Variants in TBKBP1 observed in about 807,000 individuals in gnomAD.
TBKBP1 encodes the protein TANK-binding kinase 1-binding protein 1.
A neutral mutation model predicts 69.9 loss-of-function variants in TBKBP1; 47 were observed. That is an observed-to-expected ratio of 0.67 (90% confidence interval 0.53 to 0.86). TBKBP1 has a LOEUF of 0.86. TBKBP1 is among the 40% of genes least tolerant of loss of function. TBKBP1 has a pLI of 0.00. For synonymous variants in TBKBP1, 418 were observed against 390.3 expected, an observed-to-expected ratio of 1.07 and a Z score of -0.84; for missense variants, 831 against 858.6, an observed-to-expected ratio of 0.97 and a Z score of 0.40.
In TBKBP1 at chr17:47,708,930, C is replaced by T. The variant is rs1439640654; in HGVS notation, c.1197C>T (p.Arg399=). The change falls in exon 9 of 10, where the codon CGC becomes CGT. Residue 399 remains arginine, a synonymous_variant. Transcript: ENST00000578982. This position sits in a 1 kb window ranked among gnomAD's most constrained non-coding sequence, Gnocchi z 4.4. ...PSCPSPVPQR[R]SPVPPSCQSP... ...GCCCGTCGCCCGTCCCGCAGCGCCG[C>T]TCGCCGGTGCCGCCGTCGTGCCAGT... 7.8e-7 allele frequency: 1 copy of T among 1,285,148 alleles called. No homozygotes were observed. The highest frequency in any genetic ancestry group is 9.9e-7 in the Non-Finnish European group (1 of 1,010,178). The allele number at this position is 1,285,148 out of a possible 1,614,324, so 79.6% of individuals were successfully genotyped here.
chr17:47,710,694 G>A lies in TBKBP1; in HGVS notation c.*68G>A. On this transcript the variant is annotated 3_prime_UTR_variant, in exon 10 of 10. Coordinates refer to ENST00000578982, the MANE Select transcript of TBKBP1 (RefSeq NM_001394755.1). ...TCACCCCCAAACACTCACTTTGAATGCTGCATGAATCTCGTGGGGGGTCCC... is the reference window on the plus strand; with the variant it reads ...TCACCCCCAAACACTCACTTTGAATACTGCATGAATCTCGTGGGGGGTCCC... 1.9e-6 allele frequency: 3 copies of A among 1,552,144 alleles called. No homozygotes were observed. The highest frequency in any genetic ancestry group is 2.6e-6 in the Non-Finnish European group (3 of 1,139,408).
chr17:47,699,365 G>A lies in TBKBP1; in HGVS notation c.680G>A (p.Arg227Gln), dbSNP rs1406229585. The change falls in exon 6 of 10, where the codon CGG (arginine) becomes CAG (glutamine). Residue 227 changes from arginine (R) to glutamine (Q), a missense_variant. Coordinates refer to ENST00000578982, the MANE Select transcript of TBKBP1 (RefSeq NM_001394755.1). ...CCCAGTGTGAGTGACCTGGAGCGGC[G>A]GCGGCTAGAAGAGGCTTTGGAGGCC... Reference protein sequence around the residue: ...STPSVSDLERRRLEEALEAAQ... With the variant: ...STPSVSDLERQRLEEALEAAQ... The A allele has an allele frequency of 6.4e-6, 10 of 1,555,738 alleles. No homozygotes were observed. The highest frequency in any genetic ancestry group is 2.3e-5 in the East Asian group (1 of 44,364).
intron 3 of TBKBP1, 42 bp from the exon 4 acceptor site, chr17:47,697,047 G>A (rs2031276805): frequency 6.3e-7 from 1 of 1,578,158 alleles, no homozygotes; most frequent in African/African-American, 1.3e-5. Context: ...CAAGTCCAGT[G>A]TGGGACTGAC....
At chr17:47,703,318 C>G (rs1011825193) in intron 7 of TBKBP1, among the ~76,000 whole-genome samples, 1 of 152,132 alleles carries the variant, frequency 6.6e-6, no homozygotes, top group Non-Finnish European at 1.5e-5. Context: ...TCAAGGGCAG[C>G]GTGGGGTGGG....
rs765328951 is a variant in TBKBP1 at position 47,699,445 on chromosome 17, T to C, written c.760T>C (p.Cys254Arg). 1 of 1,569,048 alleles carries C rather than the reference T, an allele frequency of 6.4e-7. No homozygotes were observed. The highest frequency in any genetic ancestry group is 1.9e-5 in the Admixed American group (1 of 52,394). ...CCGGGAGGAGCAGCTCCAGGCCGAG[T>C]GCGAGCGGCTGCAGGGGGAGCTGAA... ...QLREEQLQAECERLQGELKQL... is the reference protein window; with the variant it reads ...QLREEQLQAERERLQGELKQL... Residue 254 changes from cysteine to arginine, a missense_variant, in exon 6 of 10, where the codon TGC (cysteine) becomes CGC (arginine). Coordinates refer to ENST00000578982, the MANE Select transcript of TBKBP1 (RefSeq NM_001394755.1).
intron 7 of TBKBP1, among the ~76,000 whole-genome samples, chr17:47,701,442 C>T (rs575401985): frequency 6.6e-5 from 10 of 152,274 alleles, no homozygotes; most frequent in Admixed American, 6.5e-4. Context: ...ATGTAGGGCC[C>T]TTCATGGGTC....
chr17:47,709,545 C>T (rs1021868911), intron 9 of TBKBP1, 93 bp downstream of exon 9: 22 of 1,388,424 alleles, frequency 1.6e-5, no homozygotes, highest in East Asian at 3.0e-5. Flanking sequence ...TTGCCCCTTT[C>T]GGGTGTCAGC....
intron 5 of TBKBP1, 127 bp from the exon 6 acceptor site, chr17:47,699,193 T>C: frequency 9.4e-7 from 1 of 1,060,212 alleles, no homozygotes; most frequent in Non-Finnish European, 1.3e-6. Flanking sequence ...GTCGCAGTCA[T>C]CCCTCCTTGG....
rs1241954776 is a variant in TBKBP1, at chr17:47,708,183, T to A, written c.873-211T>A. 6.6e-6 allele frequency among the ~76,000 whole-genome samples: 1 copy of A among 152,040 alleles called. No homozygotes were observed. Among genetic ancestry groups the A allele is most frequent in the Non-Finnish European group, 1.5e-5 (1 of 68,000 alleles). On this transcript the variant is annotated intron_variant, in intron 7 of 9. Transcript: ENST00000578982. The surrounding 1 kb of genome is among the most constrained non-coding windows in gnomAD (Gnocchi z 4.4). ...CCACTGCCCTAGCCCAGGGAATGGG[T>A]CTCAGGATGCAGAGGGAGTCTCCCT...
Position 47,709,077 on chromosome 17 carries a change from C to T in TBKBP1, c.1344C>T (p.Pro448=), listed in dbSNP as rs1328105120. 6.6e-6 allele frequency: 9 copies of T among 1,354,336 alleles called. No individual in the cohort carries two copies. The highest frequency in any genetic ancestry group is 8.5e-6 in the Non-Finnish European group (9 of 1,057,512). 83.9% of individuals were successfully genotyped at this position (1,354,336 alleles called of 1,614,324 possible). ...TLAERAYAKP[P]SHHVKAGFQG... is the part of the protein sequence containing the mutation. The stretch of plus-strand genomic sequence containing the variant: ...CCGAGCGCGCCTACGCCAAGCCGCC[C>T]AGCCACCACGTGAAGGCCGGCTTCC... The change falls in exon 9 of 10, where the codon CCC becomes CCT. Residue 448 remains proline, a synonymous_variant. Transcript: ENST00000578982.
rs889185062 is a variant in TBKBP1 at position 47,708,271 on chromosome 17, G to C, written c.873-123G>C. The C allele has an allele frequency of 1.7e-5, 17 of 971,620 alleles. No homozygotes were observed. Among genetic ancestry groups the C allele is most frequent in the Non-Finnish European group, 2.3e-5 (15 of 644,228 alleles). 60.2% of individuals were successfully genotyped at this position (971,620 alleles called of 1,614,324 possible). On this transcript the variant is annotated intron_variant, in intron 7 of 9. Transcript: ENST00000578982. The surrounding 1 kb of genome is among the most constrained non-coding windows in gnomAD (Gnocchi z 4.4). ...GAGGATTTCTGCAATTGGGGTAGGAGGGCCCTGCGGGTGGGAGGGAGCATG... is the reference window on the plus strand; with the variant it reads ...GAGGATTTCTGCAATTGGGGTAGGACGGCCCTGCGGGTGGGAGGGAGCATG...
chr17:47,709,513 G>A (rs2031849116), intron 9 of TBKBP1, 61 bp downstream of exon 9: 2 of 1,432,348 alleles, frequency 1.4e-6, no homozygotes, highest in Non-Finnish European at 9.1e-7. Context: ...AGACCCCAGC[G>A]CCTCACCCTC....
intron 9 of TBKBP1, 133 bp downstream of exon 9, chr17:47,709,585 G>C: frequency 7.7e-7 from 1 of 1,306,730 alleles, no homozygotes; most frequent in Admixed American, 3.6e-5. Context: ...CTTGGACCCC[G>C]GGCCACAGTC....
intron 7 of TBKBP1, among the ~76,000 whole-genome samples, chr17:47,702,357 A>G (rs2031539716): frequency 6.6e-6 from 1 of 152,082 alleles, no homozygotes; most frequent in Non-Finnish European, 1.5e-5. Flanking sequence ...AAGGCTGAAG[A>G]GGGGTACACC....
rs1313037849 is a variant in TBKBP1, at chr17:47,702,754, T to C, written c.872+3057T>C. Among the ~76,000 whole-genome samples the C allele has an allele frequency of 2.0e-5, 3 of 151,850 alleles. No individual in the cohort carries two copies. In the East Asian group the frequency reaches 5.8e-4, roughly 29 times the overall value. ...CAAATTGCCCCAGAGGAAGAGCCACTGGGGGTCACGCAGAGGCCAAAGGCA... is the reference window on the plus strand; with the variant it reads ...CAAATTGCCCCAGAGGAAGAGCCACCGGGGGTCACGCAGAGGCCAAAGGCA... On this transcript the variant is annotated intron_variant, in intron 7 of 9. Coordinates refer to ENST00000578982, the MANE Select transcript of TBKBP1 (RefSeq NM_001394755.1).
At chr17:47,695,821 G>A (rs1214349058) in intron 1 of TBKBP1, 1 of 339,828 alleles carries the variant, frequency 2.9e-6, no homozygotes, top group Admixed American at 4.4e-5. Context: ...CCTGCTGCCG[G>A]CCTGGCTTAC....
rs1403082416 is a variant in TBKBP1 at position 47,699,423 on chromosome 17, G to A, written c.738G>A (p.Arg246=). Residue 246 remains arginine (R), a synonymous_variant, in exon 6 of 10, where the codon CGG becomes CGA. Coordinates refer to ENST00000578982, the MANE Select transcript of TBKBP1 (RefSeq NM_001394755.1). ...GAGAGGCCCGGGGGGCTCAGCTCCG[G>A]GAGGAGCAGCTCCAGGCCGAGTGCG... The part of the protein sequence containing the change: ...AQGEARGAQL[R]EEQLQAECER... 2 of 1,569,650 alleles carry A rather than the reference G, an allele frequency of 1.3e-6. No homozygotes were observed. The highest frequency in any genetic ancestry group is 2.3e-5 in the South Asian group (2 of 86,252).
At chr17:47,699,597 G>T (rs573438112) in intron 6 of TBKBP1, 39 bp from the exon 7 acceptor site, 7 of 1,613,990 alleles carry the variant, frequency 4.3e-6, no homozygotes, top group Non-Finnish European at 4.2e-6. Context: ...CCCTGGCAGG[G>T]GTGAGCTTGG....
chr17:47,700,075 C>T (rs937987207), intron 7 of TBKBP1, among the ~76,000 whole-genome samples: 1 of 151,086 alleles, frequency 6.6e-6, no homozygotes, highest in Non-Finnish European at 1.5e-5. Context: ...GCAAGCTCCG[C>T]GTCCTGGTTC....
Sources: allele counts gnomAD v4.1 joint callset (sites outside exome capture counted in the v4.1 genomes callset), GRCh38; gene constraint gnomAD v4.1.1; non-coding constraint Gnocchi (gnomAD v3.1); transcripts MANE v1.5; gene names NCBI Gene and HGNC (gene_info 2026-07-23, HGNC 2026-07-21).